ITSN2: variants seen among roughly 807,000 people sequenced by gnomAD.
The protein encoded by ITSN2 is intersectin 2, also known as intersectin-2.
A neutral mutation model predicts 243.7 loss-of-function variants in ITSN2; 156 were observed. That is an observed-to-expected ratio of 0.64 (90% CI 0.56 to 0.73). ITSN2 has a LOEUF of 0.73. ITSN2 is among the 30% of genes least tolerant of loss of function. The pLI is 0.00. For synonymous variants in ITSN2, 703 were observed against 699.9 expected (o/e 1.00, Z -0.07); for missense variants, 1,801 against 1,996.1 (o/e 0.90, Z 1.86).
chr2:24,345,826 A>T (rs1335431716), intron 1 of ITSN2, among the ~76,000 whole-genome samples: 8 of 152,076 alleles, frequency 5.3e-5, no homozygotes, highest in African/African-American at 1.9e-4. Flanking sequence ...TCATTATACC[A>T]ATTTAAATTT....
intron 1 of ITSN2, among the ~76,000 whole-genome samples, chr2:24,337,062 CTTT>C (rs754030975): frequency 7.3e-6 from 1 of 136,878 alleles, no homozygotes. Flanking sequence ...CTTGGCTTTT[CTTT>C]TTTTTTTTTT....
chr2:24,221,373 A>T (rs138339664), intron 29 of ITSN2: 1 of 285,568 alleles, frequency 3.5e-6, no homozygotes, highest in African/African-American at 2.3e-5. Flanking sequence ...TTTCGAAGTT[A>T]CTGAAATGAT....
intron 23 of ITSN2, among the ~76,000 whole-genome samples, chr2:24,256,962 T>C (rs1675125937): frequency 6.6e-6 from 1 of 152,186 alleles, no homozygotes; most frequent in African/African-American, 2.4e-5. Flanking sequence ...TGACAATTTA[T>C]AGTAAACAGG....
At chr2:24,343,727 C>A (rs962314731) in intron 1 of ITSN2, among the ~76,000 whole-genome samples, 1 of 152,088 alleles carries the variant, frequency 6.6e-6, no homozygotes, top group Non-Finnish European at 1.5e-5. Flanking sequence ...CAATAAGATG[C>A]GGTTTAGAGA....
At chr2:24,357,510 G>A (rs1234732659) in intron 1 of ITSN2, among the ~76,000 whole-genome samples, 1 of 152,110 alleles carries the variant, frequency 6.6e-6, no homozygotes, top group Non-Finnish European at 1.5e-5. Context: ...TAGAGGACGG[G>A]TGAATAGGTG....
intron 23 of ITSN2, among the ~76,000 whole-genome samples, chr2:24,255,523 G>T (rs1258134351): frequency 6.6e-6 from 1 of 152,036 alleles, no homozygotes; most frequent in African/African-American, 2.4e-5. Context: ...AGTTACTTGG[G>T]AGGTTGAAGC....
chr2:24,286,175 C>A, intron 16 of ITSN2, 37 bp downstream of exon 16: 1 of 1,242,284 alleles, frequency 8.0e-7, no homozygotes, highest in Non-Finnish European at 1.1e-6. Flanking sequence ...GGTAAGAAGG[C>A]AGTTACCTAA....
intron 2 of ITSN2, among the ~76,000 whole-genome samples, chr2:24,327,409 C>T (rs1685275616): frequency 6.6e-6 from 1 of 151,802 alleles, no homozygotes; most frequent in Non-Finnish European, 1.5e-5. Flanking sequence ...AGTGATTCTC[C>T]TGCCTCAACC....
chr2:24,310,617 GCAGAAGA>G lies in ITSN2; in HGVS notation c.421_427del (p.Ser141ArgfsTer10). The G allele has an allele frequency of 6.2e-7, 1 of 1,614,110 alleles. No individual in the cohort carries two copies. Among genetic ancestry groups the G allele is most frequent in the Non-Finnish European group, 8.5e-7 (1 of 1,179,980 alleles). On this transcript the variant is annotated frameshift_variant, in exon 6 of 40. Transcript: ENST00000355123. LOFTEE classifies it high-confidence loss of function. The stretch of plus-strand genomic sequence containing the variant: ...GGGAGGAAGGTTGGTCCCTGAAGTC[GCAGAAGA>G]CAATGATGTTATAGGTGCAGCTGGA...
chr2:24,294,288 T>C (rs1680657501), intron 14 of ITSN2, among the ~76,000 whole-genome samples: 1 of 152,058 alleles, frequency 6.6e-6, no homozygotes, highest in East Asian at 1.9e-4. Flanking sequence ...TAGCCAGGCG[T>C]GGTGGTGGGT....
chr2:24,340,248 G>A (rs1447101315), intron 1 of ITSN2, among the ~76,000 whole-genome samples: 2 of 152,074 alleles, frequency 1.3e-5, no homozygotes, highest in African/African-American at 4.8e-5. Context: ...TTGGGAGGCC[G>A]AGGCGGCAGA....
rs755130466 is a variant in ITSN2 at position 24,252,482 on chromosome 2, C to G, written c.2983G>C (p.Val995Leu). 1.2e-6 allele frequency: 2 copies of G among 1,612,204 alleles called. No individual in the cohort carries two copies. The highest frequency in any genetic ancestry group is 1.7e-6 in the Non-Finnish European group (2 of 1,178,544). ...GTGAAAGTCAAATCTCCAGGTTCCACACTTGAATATGGATAAAGTGCAATA... is the reference window on the plus strand; with the variant it reads ...GTGAAAGTCAAATCTCCAGGTTCCAGACTTGAATATGGATAAAGTGCAATA... The part of the protein sequence containing the change: ...EYIALYPYSS[V>L]EPGDLTFTEG... The change falls in exon 25 of 40, where the codon GTG becomes CTG. Residue 995 changes from valine to leucine, a missense_variant. By Grantham distance (32) the Val-to-Leu change is conservative. Around this residue, in one of 5 missense-constraint regions of ITSN2, gnomAD observed 928 missense variants for 1,065.4 expected, o/e 0.87. Coordinates refer to ENST00000355123, the MANE Select transcript of ITSN2 (RefSeq NM_006277.3).
chr2:24,289,395 C>G (rs979848444), intron 15 of ITSN2, among the ~76,000 whole-genome samples: 1 of 151,936 alleles, frequency 6.6e-6, no homozygotes, highest in Non-Finnish European at 1.5e-5. Context: ...TTTACTTGAT[C>G]TCTTTTTTGA....
chr2:24,350,629 G>C (rs1687935953), intron 1 of ITSN2, among the ~76,000 whole-genome samples: 1 of 152,168 alleles, frequency 6.6e-6, no homozygotes, highest in Non-Finnish European at 1.5e-5. Context: ...ACAAAATGTG[G>C]TATATCCATA....
chr2:24,269,305 C>T (rs1677069046), intron 20 of ITSN2, among the ~76,000 whole-genome samples: 1 of 152,206 alleles, frequency 6.6e-6, no homozygotes, highest in Non-Finnish European at 1.5e-5. Context: ...GGAGATCCAA[C>T]TACTACTGCC....
intron 37 of ITSN2, chr2:24,206,361 G>A (rs570077932): frequency 1.7e-5 from 6 of 351,708 alleles, no homozygotes; most frequent in Non-Finnish European, 2.8e-5. Context: ...GCTGCATGGG[G>A]GGGCCCGGCG....
At chr2:24,227,369 T>C (rs1301602443) in intron 29 of ITSN2, among the ~76,000 whole-genome samples, 2 of 147,308 alleles carry the variant, frequency 1.4e-5, no homozygotes, top group Non-Finnish European at 3.0e-5. Flanking sequence ...ACCAAGAACA[T>C]ATGACAGTAG....
Position 24,261,149 on chromosome 2 carries a change from G to T in ITSN2, c.2639C>A (p.Thr880Asn), listed in dbSNP as rs1286037953. 2 of 1,613,748 alleles carry T rather than the reference G, an allele frequency of 1.2e-6. No homozygotes were observed. Among genetic ancestry groups the T allele is most frequent in the Non-Finnish European group, 1.7e-6 (2 of 1,179,796 alleles). Reference sequence around the variant, plus strand: ...TACAGATCCAGGGGACACAGTTCGAGTGAAGGCTGATTTTTTCTGCCATGA... The same window carrying T: ...TACAGATCCAGGGGACACAGTTCGATTGAAGGCTGATTTTTTCTGCCATGA... ...NTSWQKKSAFTRTVSPGSVSP... is the reference protein window; with the variant it reads ...NTSWQKKSAFNRTVSPGSVSP... The change falls in exon 22 of 40, where the codon ACT (threonine) becomes AAT (asparagine). Residue 880 changes from threonine to asparagine, a missense_variant. This residue lies in a region of ITSN2 where 928 missense variants were observed against 1,065.4 expected (regional missense o/e 0.87). Transcript: ENST00000355123.
At chr2:24,348,349 T>C (rs961514308) in intron 1 of ITSN2, among the ~76,000 whole-genome samples, 1 of 151,982 alleles carries the variant, frequency 6.6e-6, no homozygotes, top group Non-Finnish European at 1.5e-5. Flanking sequence ...TAATTTTTTG[T>C]ACTTTTTGTA....
Sources: gnomAD v4.1 joint callset for allele counts (sites outside exome capture counted in the v4.1 genomes callset) on GRCh38, gnomAD v4.1.1 for gene constraint, gnomAD v4.1.1 regional missense constraint, MANE v1.5 for transcripts, NCBI Gene and HGNC (gene_info 2026-07-23, HGNC 2026-07-21) for gene names.